The following CUL2 variants were observed in gnomAD, a reference collection of about 807,000 sequenced individuals.
The protein encoded by CUL2 is cullin-2.
CUL2 carries 22 observed loss-of-function variants against 110.2 expected under a neutral mutation model. The ratio of observed to expected loss-of-function variants is 0.20; its 90% CI spans 0.14 to 0.28. CUL2 has a LOEUF of 0.28. Among genes scored for constraint, CUL2 ranks in the 10% least tolerant of loss-of-function variants. The pLI is 1.00. For missense variants in CUL2, 631 were observed against 905.5 expected, an observed-to-expected ratio of 0.70 and a Z score of 3.89; for synonymous variants, 279 against 293.2, an observed-to-expected ratio of 0.95 and a Z score of 0.49.
At chr10:35,089,129 C>T (rs2087135369) in intron 1 of CUL2, among the ~76,000 whole-genome samples, 1 of 152,144 alleles carries the variant, frequency 6.6e-6, no homozygotes, top group Non-Finnish European at 1.5e-5. Flanking sequence ...GAGCCGAGAT[C>T]GCACCACTGC....
chr10:35,075,635 A>AAAACACACAC (rs954674525), intron 1 of CUL2, among the ~76,000 whole-genome samples: 1 of 140,894 alleles, frequency 7.1e-6, no homozygotes, highest in African/African-American at 2.6e-5. Context: ...TGGGCCCTAA[A>AAAACACACAC]ACACACACAC....
At chr10:35,081,468 T>G (rs2086946057) in intron 1 of CUL2, among the ~76,000 whole-genome samples, 1 of 152,196 alleles carries the variant, frequency 6.6e-6, no homozygotes. Context: ...TTCTCATATA[T>G]GTATCCCCGA....
chr10:35,037,213 A>G (rs2085644906), intron 9 of CUL2, among the ~76,000 whole-genome samples: 1 of 152,230 alleles, frequency 6.6e-6, no homozygotes, highest in African/African-American at 2.4e-5. Context: ...ATCTTGAGGT[A>G]GTGATCAAAT....
At position 35,013,702 on chromosome 10, in the gene CUL2, T is replaced by C. The variant is rs1222970885; in HGVS notation, c.1986A>G (p.Pro662=). 1.9e-6 allele frequency: 3 copies of C among 1,556,118 alleles called. No homozygotes were observed. The highest frequency in any genetic ancestry group is 1.4e-5 in the African/African-American group (1 of 73,418). ...ACTTGACATTAAAAGCACTTACTTG[T>C]GGTGTGTCTTTCTGCATTGATGTAG... ...KITTSMQKDT[P]QEMEQTRSAV... The change falls in exon 19 of 21, where the codon CCA becomes CCG. Residue 662 remains proline, a synonymous_variant. Coordinates refer to ENST00000374749, the MANE Select transcript of CUL2 (RefSeq NM_003591.4).
In CUL2 at chr10:35,013,805, A is replaced by G; in HGVS notation, c.1888-5T>C. On this transcript the variant is annotated splice_polypyrimidine_tract_variant and splice_region_variant and intron_variant, in intron 18 of 20. Coordinates refer to ENST00000374749, the MANE Select transcript of CUL2 (RefSeq NM_003591.4). ...AGATTCTGCATCAATATCTTCCTAC[A>G]TTTAAAAATAAAACATTTATATTTA... 1 of 1,436,118 alleles carries G rather than the reference A, an allele frequency of 7.0e-7. No individual in the cohort carries two copies. Among genetic ancestry groups the G allele is most frequent in the South Asian group, 1.5e-5 (1 of 67,546 alleles). The allele number at this position is 1,436,118 out of a possible 1,614,324, so 89.0% of individuals were successfully genotyped here. A position where few individuals can be genotyped will look rare whatever the true frequency, so the allele number is the denominator to read the frequency against.
chr10:35,064,435 T>G (rs1353496249), intron 2 of CUL2, among the ~76,000 whole-genome samples: 1 of 152,232 alleles, frequency 6.6e-6, no homozygotes, highest in Non-Finnish European at 1.5e-5. Flanking sequence ...TTTATTTTTA[T>G]ACAGTAAAAT....
intron 9 of CUL2, among the ~76,000 whole-genome samples, chr10:35,038,598 C>A (rs1027953121): frequency 7.1e-6 from 1 of 140,178 alleles, no homozygotes; most frequent in Non-Finnish European, 1.5e-5. Context: ...ACATTTATTA[C>A]ATAATATTTG....
chr10:35,120,695 G>T (rs949831827), intron 1 of CUL2, among the ~76,000 whole-genome samples: 1 of 151,180 alleles, frequency 6.6e-6, no homozygotes, highest in African/African-American at 2.4e-5. Flanking sequence ...TCAGGAGTTC[G>T]AGACCAGCCT....
rs1020000719 is a variant in CUL2 at position 35,071,107 on chromosome 10, G to C, written c.119+92C>G. Reference sequence around the variant, plus strand: ...ATAATATATTAGAAAATAGTTACATGGGAAAGTTCTTCCATAACATTGAAC... The same window carrying C: ...ATAATATATTAGAAAATAGTTACATCGGAAAGTTCTTCCATAACATTGAAC... On this transcript the variant is annotated intron_variant, in intron 2 of 20. Transcript: ENST00000374749. 4.0e-6 allele frequency: 5 copies of C among 1,248,354 alleles called. No homozygotes were observed. In the African/African-American group the frequency reaches 6.0e-5, roughly 15 times the overall value. The allele number at this position is 1,248,354 out of a possible 1,614,324, so 77.3% of individuals were successfully genotyped here.
chr10:35,070,219 C>A (rs1218582246), intron 2 of CUL2, among the ~76,000 whole-genome samples: 1 of 152,146 alleles, frequency 6.6e-6, no homozygotes, highest in Non-Finnish European at 1.5e-5. Flanking sequence ...AACTTTGAAG[C>A]CTTCCAAAAT....
chr10:35,039,355 T>C (rs2085717306), intron 8 of CUL2, among the ~76,000 whole-genome samples: 1 of 152,236 alleles, frequency 6.6e-6, no homozygotes. Context: ...CCATTCATCC[T>C]ATTACATGGA....
chr10:35,016,493 A>C, intron 17 of CUL2, 99 bp from the exon 18 acceptor site: 1 of 910,794 alleles, frequency 1.1e-6, no homozygotes. Context: ...GTGAACCAAT[A>C]ATTTTATTAA....
intron 1 of CUL2, among the ~76,000 whole-genome samples, chr10:35,071,657 C>T (rs1390244901): frequency 6.6e-6 from 1 of 152,208 alleles, no homozygotes; most frequent in East Asian, 1.9e-4. Context: ...ATCCGCCCAC[C>T]TTGGCCTCCC....
At chr10:35,045,294 G>A (rs2085905293) in intron 6 of CUL2, among the ~76,000 whole-genome samples, 1 of 152,088 alleles carries the variant, frequency 6.6e-6, no homozygotes, top group Non-Finnish European at 1.5e-5. Context: ...CTAATAAAAG[G>A]AATATGAAAT....
intron 8 of CUL2, among the ~76,000 whole-genome samples, chr10:35,043,929 G>A (rs754321625): frequency 2.6e-5 from 4 of 151,558 alleles, no homozygotes; most frequent in Non-Finnish European, 5.9e-5. Flanking sequence ...GTTGCTGGGC[G>A]TGGTGGTGTG....
chr10:35,120,475 AAAC>A (rs1215708629), intron 1 of CUL2: 1 of 152,218 alleles, frequency 6.6e-6, no homozygotes, highest in Non-Finnish European at 1.5e-5. Flanking sequence ...TATTTGAAGA[AAAC>A]AAAGTATCCA....
At chr10:35,068,042 G>A (rs1316548066) in intron 2 of CUL2, among the ~76,000 whole-genome samples, 5 of 151,204 alleles carry the variant, frequency 3.3e-5, no homozygotes, top group East Asian at 1.9e-4. Flanking sequence ...CCCGGGAGGC[G>A]GAGCTTGCAG....
At position 35,082,134 on chromosome 10, in the gene CUL2, GA is replaced by G. The variant is rs57996012; in HGVS notation, c.-23+8044del. On this transcript the variant is annotated intron_variant, in intron 1 of 20. Transcript: ENST00000374749. ...AACACAGCAAGACATCATCTTGACT[GA>G]AAAAAAAAAAAAATTTGCCTGCAGT... Among the ~76,000 whole-genome samples, 237 of 139,268 alleles carry G rather than the reference GA, an allele frequency of 1.7e-3. 1 individual carries two copies. The highest frequency in any genetic ancestry group is 7.4e-3 in the Middle Eastern group (2 of 270). 91.4% of individuals were successfully genotyped at this position (139,268 alleles called of 152,430 possible). A position where few individuals can be genotyped will look rare whatever the true frequency, so the allele number is the denominator to read the frequency against.
At chr10:35,125,338 A>T (rs2087743731) in intron 1 of CUL2, among the ~76,000 whole-genome samples, 2 of 152,278 alleles carry the variant, frequency 1.3e-5, no homozygotes, top group African/African-American at 4.8e-5. Flanking sequence ...AAGACTACAT[A>T]CATATGGGAG....
Sources: allele counts gnomAD v4.1 joint callset (sites outside exome capture counted in the v4.1 genomes callset), GRCh38; gene constraint gnomAD v4.1.1; transcripts MANE v1.5; gene names NCBI Gene and HGNC (gene_info 2026-07-23, HGNC 2026-07-21).